The following ANKFY1 variants were observed in gnomAD, a reference collection of about 807,000 sequenced individuals.
ANKFY1 encodes the protein ankyrin repeat and FYVE domain containing 1.
Under a neutral mutation model 128.3 loss-of-function variants are expected in ANKFY1, and 47 were observed. The ratio of observed to expected loss-of-function variants is 0.37; its 90% CI spans 0.29 to 0.47. ANKFY1 has a LOEUF of 0.47. ANKFY1 is among the 20% of genes least tolerant of loss of function. The probability of loss-of-function intolerance (pLI) is 1.00; values close to 1 mark genes in which losing one functional copy is unlikely to be tolerated. For synonymous variants in ANKFY1, 553 were observed against 601.6 expected (o/e 0.92, Z 1.18); for missense variants, 1,222 against 1,510.6 (o/e 0.81, Z 3.17).
In ANKFY1 at chr17:4,167,879, CA is replaced by C; in HGVS notation, c.3409del (p.Cys1137AlafsTer9). ...RHCGRLLCHK[C>X]STKEIPIIKF... ...TATAATAGGAATCTCCTTGGTCGAG[CA>C]TTTATGGCAAAGAAGACGTCCGCAG... On this transcript the variant is annotated frameshift_variant, in exon 25 of 25. Coordinates refer to ENST00000341657, the MANE Select transcript of ANKFY1 (RefSeq NM_001330063.2). LOFTEE classifies it high-confidence loss of function. The surrounding 1 kb of genome is among the most constrained non-coding windows in gnomAD (Gnocchi z 4.1). 1 of 1,613,954 alleles carries C rather than the reference CA, an allele frequency of 6.2e-7. No homozygotes were observed. Among genetic ancestry groups the C allele is most frequent in the South Asian group, 1.1e-5 (1 of 91,056 alleles).
Position 4,190,215 on chromosome 17 carries a change from C to T in ANKFY1, c.1373-736G>A, listed in dbSNP as rs554581058. ...CAGCACTTTTGGAGGCCGAGGCAGG[C>T]GGATTACTTGATGCCAGCAGTTTGA... On this transcript the variant is annotated intron_variant, in intron 10 of 24. Coordinates refer to ENST00000341657, the MANE Select transcript of ANKFY1 (RefSeq NM_001330063.2). Among the ~76,000 whole-genome samples the T allele has an allele frequency of 7.9e-5, 12 of 152,164 alleles. 1 individual carries two copies. Among genetic ancestry groups the T allele is most frequent in the South Asian group, 6.2e-4 (3 of 4,814 alleles).
rs1450277837 is a variant in ANKFY1, at chr17:4,167,716, G to C, written c.*63C>G. The C allele has an allele frequency of 1.3e-6, 2 of 1,522,566 alleles. No homozygotes were observed. Among genetic ancestry groups the C allele is most frequent in the African/African-American group, 2.8e-5 (2 of 72,492 alleles). The allele number at this position is 1,522,566 out of a possible 1,614,324, so 94.3% of individuals were successfully genotyped here. A position where few individuals can be genotyped will look rare whatever the true frequency, so the allele number is the denominator to read the frequency against. On this transcript the variant is annotated 3_prime_UTR_variant, in exon 25 of 25. Transcript: ENST00000341657. The surrounding 1 kb of genome is among the most constrained non-coding windows in gnomAD (Gnocchi z 4.1). ...CTCCTGCTCTGGGTGGGGTCAGGCTGGTGAGCAGAGCAGCTGCTGGGGAGG... is the reference window on the plus strand; with the variant it reads ...CTCCTGCTCTGGGTGGGGTCAGGCTCGTGAGCAGAGCAGCTGCTGGGGAGG...
chr17:4,241,115 C>A (rs558199045), intron 2 of ANKFY1, among the ~76,000 whole-genome samples: 1 of 152,280 alleles, frequency 6.6e-6, no homozygotes, highest in African/African-American at 2.4e-5. Context: ...ATGCAGTGTT[C>A]CAAGTGCTGA....
In ANKFY1 at chr17:4,198,242, CTTTCT is replaced by C. The variant is rs1191889256; in HGVS notation, c.899-670_899-666del. Among the ~76,000 whole-genome samples the C allele has an allele frequency of 3.3e-5, 5 of 152,014 alleles. No individual in the cohort carries two copies. In the East Asian group the frequency reaches 9.6e-4, roughly 29 times the overall value. On this transcript the variant is annotated intron_variant, in intron 7 of 24. Coordinates refer to ENST00000341657, the MANE Select transcript of ANKFY1 (RefSeq NM_001330063.2). ...ACAATTTCTCTCTCTCTTTCTCTTT[CTTTCT>C]TATTTCCTGACCACAGCTTGTACCT...
intron 6 of ANKFY1, 147 bp from the exon 7 acceptor site, chr17:4,206,633 T>A: frequency 1.4e-6 from 1 of 700,234 alleles, no homozygotes; most frequent in Non-Finnish European, 2.3e-6. Flanking sequence ...AATTCAACTT[T>A]ATTCACAAAC....
At position 4,184,878 on chromosome 17, in the gene ANKFY1, G is replaced by A. The variant is rs1389821372; in HGVS notation, c.1639C>T (p.Leu547=). ...LADSVHLQTP[L]HMAIAYNHPD... is the part of the protein sequence containing the mutation. ...TGGTTATAGGCGATCGCCATGTGCA[G>A]TGGCGTCTGCAGATGGACGCTGTCC... The change falls in exon 12 of 25, where the codon CTG becomes TTG. Residue 547 remains leucine (L), a synonymous_variant. Transcript: ENST00000341657. 1.2e-6 allele frequency: 2 copies of A among 1,614,042 alleles called. No homozygotes were observed. The highest frequency in any genetic ancestry group is 1.7e-6 in the Non-Finnish European group (2 of 1,180,050).
At chr17:4,224,214 GTTTTTTTTTTTT>G (rs33995900) in intron 3 of ANKFY1, among the ~76,000 whole-genome samples, 10 of 66,720 alleles carry the variant, frequency 1.5e-4, no homozygotes, top group Non-Finnish European at 1.3e-4. Context: ...CACCTTTGAA[GTTTTTTTTTTTT>G]TTTTTTTTTT....
intron 1 of ANKFY1, among the ~76,000 whole-genome samples, chr17:4,244,390 C>A (rs1967420519): frequency 6.6e-6 from 1 of 152,146 alleles, no homozygotes; most frequent in Non-Finnish European, 1.5e-5. Flanking sequence ...CCTGAGGAAG[C>A]CGTCATGAAA....
chr17:4,199,265 T>C (rs182889330), intron 7 of ANKFY1, among the ~76,000 whole-genome samples: 90 of 152,324 alleles, frequency 5.9e-4, no homozygotes, highest in Non-Finnish European at 7.9e-4. Context: ...TCACGGCTCA[T>C]TGCAGACTCA....
chr17:4,199,961 A>T (rs913132834), intron 7 of ANKFY1, among the ~76,000 whole-genome samples: 3 of 152,264 alleles, frequency 2.0e-5, no homozygotes, highest in Non-Finnish European at 2.9e-5. Context: ...GAAACCTGTT[A>T]CAAAGGCTTG....
intron 1 of ANKFY1, among the ~76,000 whole-genome samples, chr17:4,243,017 G>A (rs1016444159): frequency 1.4e-4 from 22 of 152,020 alleles, no homozygotes; most frequent in African/African-American, 5.1e-4. Context: ...TCTTCTAAAT[G>A]CTTTACATAA....
chr17:4,259,876 T>C (rs530944818), intron 1 of ANKFY1, among the ~76,000 whole-genome samples: 6 of 152,152 alleles, frequency 3.9e-5, no homozygotes, highest in Non-Finnish European at 7.4e-5. Context: ...AGGGATGCTC[T>C]CTAATGAGAT....
rs2059170112 is a variant in ANKFY1, at chr17:4,164,056, C to T, written c.*3723G>A. On this transcript the variant is annotated 3_prime_UTR_variant, in exon 25 of 25. Transcript: ENST00000341657. Reference sequence around the variant, plus strand: ...GATACCATCACCCCACACTGAGCACCACCCCGAAGGGGCTGGAAGCCAGGT... The same window carrying T: ...GATACCATCACCCCACACTGAGCACTACCCCGAAGGGGCTGGAAGCCAGGT... 1 of 152,686 alleles carries T rather than the reference C, an allele frequency of 6.5e-6. No individual in the cohort carries two copies. Among genetic ancestry groups the T allele is most frequent in the African/African-American group, 2.4e-5 (1 of 41,460 alleles). The allele number at this position is 152,686 out of a possible 1,614,324, so 9.5% of individuals were successfully genotyped here. A position where few individuals can be genotyped will look rare whatever the true frequency, so the allele number is the denominator to read the frequency against.
chr17:4,258,986 G>C (rs573442538), intron 1 of ANKFY1, among the ~76,000 whole-genome samples: 1 of 152,252 alleles, frequency 6.6e-6, no homozygotes. Context: ...GAAATGGAGA[G>C]TGATTTTAGA....
intron 3 of ANKFY1, among the ~76,000 whole-genome samples, chr17:4,235,108 T>C (rs551686821): frequency 6.6e-6 from 1 of 152,230 alleles, no homozygotes; most frequent in South Asian, 2.1e-4. Context: ...TTTGGGAGGC[T>C]GAGGTGGGTG....
At chr17:4,261,371 TTGGGATGCTGAGGTGGAAGAATCGC>T (rs1160900868) in intron 1 of ANKFY1, among the ~76,000 whole-genome samples, 1 of 152,090 alleles carries the variant, frequency 6.6e-6, no homozygotes, top group Non-Finnish European at 1.5e-5. Context: ...TCCCAGCTAC[TTGGGATGCTGAGGTGGAAGAATCGC>T]TTGAACCCAG....
At chr17:4,222,630 C>A in intron 3 of ANKFY1, 2 of 1,021,994 alleles carry the variant, frequency 2.0e-6, no homozygotes, top group South Asian at 1.3e-5. Context: ...AGAATTTTAC[C>A]GTCTTAAATT....
At chr17:4,184,682 G>T in intron 12 of ANKFY1, 136 bp downstream of exon 12, 1 of 918,310 alleles carries the variant, frequency 1.1e-6, no homozygotes, top group Non-Finnish European at 1.7e-6. Context: ...TCTCTAGTTT[G>T]ACCTGAAAGG....
intron 10 of ANKFY1, 143 bp from the exon 11 acceptor site, chr17:4,189,622 A>G: frequency 1.4e-6 from 1 of 724,206 alleles, no homozygotes; most frequent in Non-Finnish European, 2.3e-6. Flanking sequence ...GGCCCACGCC[A>G]GACAGTAGGC....
Sources: gnomAD v4.1 joint callset for allele counts (sites outside exome capture counted in the v4.1 genomes callset) on GRCh38, gnomAD v4.1.1 for gene constraint, Gnocchi (gnomAD v3.1) non-coding constraint, MANE v1.5 for transcripts, NCBI Gene and HGNC (gene_info 2026-07-23, HGNC 2026-07-21) for gene names.